CNOT2: variants seen among roughly 807,000 people sequenced by gnomAD.
The protein encoded by CNOT2 is CCR4-NOT transcription complex subunit 2, also known as CC chemokine receptor 4-negative regulator of transcription 2.
A neutral mutation model predicts 72.1 loss-of-function variants in CNOT2; 7 were observed. That is an observed-to-expected ratio of 0.10 (90% CI 0.06 to 0.18). The LOEUF (loss-of-function observed/expected upper bound fraction) is 0.18. Among genes scored for constraint, CNOT2 ranks in the 10% least tolerant of loss-of-function variants. CNOT2 has a pLI of 1.00. For missense variants in CNOT2, 345 were observed against 660.3 expected (o/e 0.52, Z 5.23); for synonymous variants, 196 against 225.6 (o/e 0.87, Z 1.17).
chr12:70,331,341 C>T lies in CNOT2; in HGVS notation c.569+872C>T, dbSNP rs11178189. 1.2e-3 allele frequency: 189 copies of T among 151,928 alleles called. 1 individual carries two copies. The East Asian group carries it at 0.032, about 26-fold the overall frequency. The allele number at this position is 151,928 out of a possible 1,614,324, so 9.4% of individuals were successfully genotyped here. A position where few individuals can be genotyped will look rare whatever the true frequency, so the allele number is the denominator to read the frequency against. On this transcript the variant is annotated intron_variant, in intron 6 of 15. Transcript: ENST00000229195. ...TTTTATTTAGATATCTATAATTTTA[C>T]TGCTCTTTTAAATTTTAAAAAACTT...
At chr12:70,293,759 G>A (rs1872344831) in intron 2 of CNOT2, among the ~76,000 whole-genome samples, 1 of 152,030 alleles carries the variant, frequency 6.6e-6, no homozygotes, top group African/African-American at 2.4e-5. Context: ...GAGAGCCTTA[G>A]ATTTAATGTT....
At chr12:70,341,877 T>C (rs1171951613) in intron 11 of CNOT2, 3 of 558,756 alleles carry the variant, frequency 5.4e-6, no homozygotes, top group Non-Finnish European at 9.5e-6. Flanking sequence ...TATGTTGTGT[T>C]ATTTATACTG....
chr12:70,347,200 A>G (rs955016877), intron 15 of CNOT2, among the ~76,000 whole-genome samples: 1 of 152,238 alleles, frequency 6.6e-6, no homozygotes, highest in East Asian at 1.9e-4. Flanking sequence ...TTAGTTGTCA[A>G]TTTGTTTTTT....
intron 9 of CNOT2, chr12:70,338,007 TTAAAA>T (rs1378525850): frequency 2.1e-5 from 5 of 243,872 alleles, no homozygotes; most frequent in Non-Finnish European, 4.0e-5. Flanking sequence ...TCGGTAAGAA[TTAAAA>T]TAAGTACAAA....
chr12:70,243,746 G>A (rs1957700806), intron 1 of CNOT2: 1 of 152,280 alleles, frequency 6.6e-6, no homozygotes. Context: ...CGGACGTAAA[G>A]CGTCGCTGTA....
Position 70,353,929 on chromosome 12 carries a change from A to AG in CNOT2, c.*14_*15insG, listed in dbSNP as rs1883188879. The AG allele has an allele frequency of 1.3e-6, 2 of 1,580,488 alleles. No homozygotes were observed. Among genetic ancestry groups the AG allele is most frequent in the Non-Finnish European group, 1.7e-6 (2 of 1,170,546 alleles). On this transcript the variant is annotated 3_prime_UTR_variant, in exon 16 of 16. Transcript: ENST00000229195. ...CAAGCCTTCTAAAAAAAAAAAAAAA[A>AG]AAAAAAAAAGACTTCCCTTTTCTTG...
chr12:70,257,095 C>T (rs1320942056), intron 1 of CNOT2, among the ~76,000 whole-genome samples: 3 of 151,918 alleles, frequency 2.0e-5, no homozygotes, highest in Non-Finnish European at 4.4e-5. Context: ...ATTGTTTGTA[C>T]ATTTATTTCT....
At chr12:70,340,839 T>C in intron 11 of CNOT2, among the ~76,000 whole-genome samples, 1 of 150,556 alleles carries the variant, frequency 6.6e-6, no homozygotes, top group Non-Finnish European at 1.5e-5. Context: ...ACTCCTCTGC[T>C]CAACACCCAG....
intron 2 of CNOT2, among the ~76,000 whole-genome samples, chr12:70,310,054 A>G (rs1876189617): frequency 6.6e-6 from 1 of 152,206 alleles, no homozygotes; most frequent in African/African-American, 2.4e-5. Context: ...TATAGCATTT[A>G]CATTGTATTA....
At chr12:70,262,661 TTA>T (rs1491285924) in intron 1 of CNOT2, among the ~76,000 whole-genome samples, 19 of 151,702 alleles carry the variant, frequency 1.3e-4, no homozygotes, top group African/African-American at 4.1e-4. Flanking sequence ...TTATTTTGCC[TTA>T]TTTTTTTTTC....
chr12:70,288,948 CTT>C (rs926447703), intron 2 of CNOT2, among the ~76,000 whole-genome samples: 13 of 151,986 alleles, frequency 8.6e-5, no homozygotes, highest in African/African-American at 2.9e-4. Context: ...TTTGTTGACT[CTT>C]TTTCTCTTTT....
chr12:70,326,087 T>A (rs1407227173), intron 4 of CNOT2, among the ~76,000 whole-genome samples: 1 of 151,866 alleles, frequency 6.6e-6, no homozygotes, highest in Admixed American at 6.6e-5. Flanking sequence ...GGAATTTGAC[T>A]AACACCCTGC....
intron 2 of CNOT2, among the ~76,000 whole-genome samples, chr12:70,292,507 G>A (rs991571100): frequency 5.9e-5 from 9 of 152,232 alleles, no homozygotes; most frequent in Non-Finnish European, 8.8e-5. Flanking sequence ...TAGAGGAAGA[G>A]CATTCCTGGA....
At chr12:70,270,466 C>G (rs1438029445) in intron 1 of CNOT2, among the ~76,000 whole-genome samples, 1 of 152,092 alleles carries the variant, frequency 6.6e-6, no homozygotes, top group Admixed American at 6.6e-5. Context: ...TTAGAGTAGA[C>G]TCATACCCCT....
At chr12:70,243,841 C>G (rs896910310) in intron 1 of CNOT2, 2 of 152,126 alleles carry the variant, frequency 1.3e-5, no homozygotes, top group African/African-American at 4.8e-5. Context: ...CTCCACTCCC[C>G]TAGGCTCCCG....
intron 2 of CNOT2, among the ~76,000 whole-genome samples, chr12:70,308,584 T>TCTCTCTCTCTCTCA (rs550679130): frequency 6.2e-4 from 82 of 133,310 alleles, no homozygotes; most frequent in East Asian, 2.6e-3. Flanking sequence ...TCTCTCTCTC[T>TCTCTCTCTCTCTCA]CACACACACA....
intron 3 of CNOT2, among the ~76,000 whole-genome samples, chr12:70,314,925 A>C (rs12316708): frequency 6.6e-6 from 1 of 151,824 alleles, no homozygotes; most frequent in Non-Finnish European, 1.5e-5. Flanking sequence ...GTGTAATGGC[A>C]CGATCTTGGC....
chr12:70,325,959 C>T (rs775199575), intron 4 of CNOT2, among the ~76,000 whole-genome samples: 4 of 151,604 alleles, frequency 2.6e-5, no homozygotes, highest in South Asian at 2.1e-4. Flanking sequence ...TAAAGAATGA[C>T]GTATTTTGCC....
intron 2 of CNOT2, among the ~76,000 whole-genome samples, chr12:70,301,117 T>C (rs528741281): frequency 6.1e-4 from 93 of 152,340 alleles, no homozygotes; most frequent in South Asian, 1.9e-3. Flanking sequence ...AAGGAGATTT[T>C]GGGCTGAGAT....
Sources: gnomAD v4.1 joint callset for allele counts (sites outside exome capture counted in the v4.1 genomes callset) on GRCh38, gnomAD v4.1.1 for gene constraint, MANE v1.5 for transcripts, NCBI Gene and HGNC (gene_info 2026-07-23, HGNC 2026-07-21) for gene names.